The following SLC37A1 variants were observed in gnomAD, a reference collection of about 807,000 sequenced individuals.
The protein encoded by SLC37A1 is solute carrier family 37 member 1.
A neutral mutation model predicts 75.3 loss-of-function variants in SLC37A1; 49 were observed. That is an observed-to-expected ratio of 0.65 (90% CI 0.52 to 0.83). The LOEUF is 0.83. SLC37A1 is among the 40% of genes least tolerant of loss of function. SLC37A1 has a pLI of 0.00. For synonymous variants in SLC37A1, 268 were observed against 292.1 expected (o/e 0.92, Z 0.84); for missense variants, 566 against 695.0 (o/e 0.81, Z 2.09).
In SLC37A1 at chr21:42,568,364, C is replaced by G. The variant is rs373543630; in HGVS notation, c.1349C>G (p.Thr450Ser). The G allele has an allele frequency of 6.2e-7, 1 of 1,613,920 alleles. No individual in the cohort carries two copies. The highest frequency in any genetic ancestry group is 8.5e-7 in the Non-Finnish European group (1 of 1,179,882). The change falls in exon 17 of 20, where the codon ACT becomes AGT. Residue 450 changes from threonine to serine, a missense_variant. By Grantham distance (58) the Thr-to-Ser change is moderately conservative. Coordinates refer to ENST00000352133, the MANE Select transcript of SLC37A1 (RefSeq NM_001320537.2). ...TCTGTTTTTCCTCTCTTCTAGGGGA[C>G]TCATAAAAGTCTGAAAGGCAACGCG... ...ITTAVSADLG[T>S]HKSLKGNAHA...
rs565752805 is a variant in SLC37A1 at position 42,543,404 on chromosome 21, C to G, written c.564-32C>G. 14 of 1,614,096 alleles carry G rather than the reference C, an allele frequency of 8.7e-6. No homozygotes were observed. The South Asian group carries it at 8.8e-5, about 10-fold the overall frequency. ...TGGACTCGTTTCAGCTTCTCAGCTC[C>G]ATCTTCTGTCTTCTGTTTTGTTGTG... On this transcript the variant is annotated intron_variant, in intron 7 of 19. Transcript: ENST00000352133.
chr21:42,532,024 A>G (rs140400002), intron 3 of SLC37A1, among the ~76,000 whole-genome samples: 173 of 152,206 alleles, frequency 1.1e-3, no homozygotes, highest in African/African-American at 3.9e-3. Flanking sequence ...GTCCATCTTT[A>G]TAGTAATGCT....
At chr21:42,568,483 A>C in intron 17 of SLC37A1, 45 bp downstream of exon 17, 1 of 1,570,716 alleles carries the variant, frequency 6.4e-7, no homozygotes, top group South Asian at 1.1e-5. Context: ...GTCTTAGGGG[A>C]AATCACATTG....
chr21:42,510,486 C>G (rs973365842), upstream of SLC37A1, among the ~76,000 whole-genome samples: 26 of 151,278 alleles, frequency 1.7e-4, no homozygotes, highest in African/African-American at 6.3e-4. Flanking sequence ...AACTACAAAC[C>G]GCCAGAAAGC....
At chr21:42,577,483 A>T (rs1234197526) in intron 18 of SLC37A1, among the ~76,000 whole-genome samples, 1 of 152,244 alleles carries the variant, frequency 6.6e-6, no homozygotes. Flanking sequence ...GCAATATAAA[A>T]AAGAACTGAA....
intron 13 of SLC37A1, 150 bp downstream of exon 13, chr21:42,564,027 G>C (rs2055905343): frequency 2.5e-6 from 2 of 811,078 alleles, no homozygotes; most frequent in Non-Finnish European, 4.0e-6. Context: ...GTCACCTGGG[G>C]GTGGTTTTAT....
upstream of SLC37A1, among the ~76,000 whole-genome samples, chr21:42,513,095 G>C (rs111830947): frequency 9.2e-3 from 1,409 of 152,354 alleles, 16 homozygotes; most frequent in African/African-American, 0.016. Context: ...CCGAGGAGTG[G>C]GCTGGGAGCC....
chr21:42,578,474 G>C (rs900721138), intron 18 of SLC37A1, among the ~76,000 whole-genome samples: 3 of 152,116 alleles, frequency 2.0e-5, no homozygotes, highest in Admixed American at 2.0e-4. Context: ...GGCCTCTTCG[G>C]GCTAGCACTT....
intron 2 of SLC37A1, among the ~76,000 whole-genome samples, chr21:42,523,992 G>A (rs960083290): frequency 6.6e-5 from 10 of 151,966 alleles, no homozygotes; most frequent in African/African-American, 2.4e-4. Flanking sequence ...TAGGATTTTA[G>A]TTACTTGTGG....
At chr21:42,530,654 A>ACACACACACACACCCCCCCC (rs1161313598) in intron 3 of SLC37A1, among the ~76,000 whole-genome samples, 1 of 35,880 alleles carries the variant, frequency 2.8e-5, no homozygotes, top group Non-Finnish European at 5.2e-5. Flanking sequence ...ACACACACAC[A>ACACACACACACACCCCCCCC]CCCCCTCTGT....
intron 2 of SLC37A1, among the ~76,000 whole-genome samples, chr21:42,521,979 C>G (rs974071353): frequency 1.3e-5 from 2 of 152,188 alleles, no homozygotes; most frequent in Middle Eastern, 3.2e-3. Context: ...CTGCAGGCTC[C>G]GGGGACAGAC....
At chr21:42,554,898 G>A (rs1448596554) in intron 10 of SLC37A1, among the ~76,000 whole-genome samples, 1 of 151,982 alleles carries the variant, frequency 6.6e-6, no homozygotes, top group East Asian at 1.9e-4. Flanking sequence ...AGCTGCAGCG[G>A]GCATTTTAAA....
chr21:42,562,851 GAC>G (rs1396446723), intron 12 of SLC37A1, among the ~76,000 whole-genome samples: 4 of 152,132 alleles, frequency 2.6e-5, no homozygotes, highest in Non-Finnish European at 5.9e-5. Flanking sequence ...GGAAGGAGAA[GAC>G]ACACGCTGGG....
chr21:42,500,765 G>A (rs1352865412), intron 1 of SLC37A1, among the ~76,000 whole-genome samples: 2 of 152,166 alleles, frequency 1.3e-5, no homozygotes, highest in South Asian at 2.1e-4. Context: ...ATAAGGGTGG[G>A]GAGAGACTGA....
chr21:42,549,399 C>G (rs1203097419), intron 9 of SLC37A1, among the ~76,000 whole-genome samples: 1 of 152,202 alleles, frequency 6.6e-6, no homozygotes, highest in African/African-American at 2.4e-5. Context: ...GTTTCATTCT[C>G]CCCGTTCAAA....
chr21:42,544,604 C>T (rs924014548), intron 8 of SLC37A1, among the ~76,000 whole-genome samples: 1 of 152,212 alleles, frequency 6.6e-6, no homozygotes, highest in African/African-American at 2.4e-5. Context: ...GGCTGCACTC[C>T]GCTCCCCTTT....
intron 2 of SLC37A1, 129 bp downstream of exon 2, chr21:42,518,639 C>T (rs545014433): frequency 1.2e-5 from 13 of 1,045,680 alleles, no homozygotes; most frequent in Non-Finnish European, 1.9e-5. Flanking sequence ...CACCCATAAC[C>T]GTTGAATTGC....
intron 17 of SLC37A1, among the ~76,000 whole-genome samples, chr21:42,571,621 C>G (rs537983434): frequency 6.6e-6 from 1 of 152,176 alleles, no homozygotes; most frequent in African/African-American, 2.4e-5. Context: ...ATCATCTGAA[C>G]GTCATCAGCT....
At chr21:42,579,877 C>T (rs1044360363) in intron 19 of SLC37A1, 77 bp downstream of exon 19, 4 of 1,335,964 alleles carry the variant, frequency 3.0e-6, no homozygotes, top group Non-Finnish European at 4.3e-6. Context: ...GCCTTCTGCA[C>T]CTGGCTTTCC....
Sources: allele counts gnomAD v4.1 joint callset (sites outside exome capture counted in the v4.1 genomes callset), GRCh38; gene constraint gnomAD v4.1.1; transcripts MANE v1.5; gene names NCBI Gene and HGNC (gene_info 2026-07-23, HGNC 2026-07-21).